NRXN1: variants seen among roughly 807,000 people sequenced by gnomAD.
NRXN1 encodes neurexin-1.
Under a neutral mutation model 150.9 loss-of-function variants are expected in NRXN1, and 39 were observed. That is an observed-to-expected ratio of 0.26 (90% CI 0.20 to 0.34). The LOEUF (loss-of-function observed/expected upper bound fraction) is 0.34, where lower values mean the gene tolerates loss of function less well. NRXN1 is among the 10% of genes least tolerant of loss of function. The probability of loss-of-function intolerance (pLI) is 1.00; values close to 1 mark genes in which losing one functional copy is unlikely to be tolerated. For synonymous variants in NRXN1, 924 were observed against 757.0 expected (o/e 1.22, Z -3.62); for missense variants, 1,815 against 1,949.9 (o/e 0.93, Z 1.30).
At chr2:50,585,015 CATAAAA>C (rs1442455793) in intron 8 of NRXN1, among the ~76,000 whole-genome samples, 3 of 151,908 alleles carry the variant, frequency 2.0e-5, no homozygotes, top group Admixed American at 6.6e-5. Context: ...AGTTTTTTTT[CATAAAA>C]ATAAAAGTTT....
intron 5 of NRXN1, among the ~76,000 whole-genome samples, chr2:50,737,393 T>C (rs1244201830): frequency 6.6e-6 from 1 of 152,156 alleles, no homozygotes; most frequent in Non-Finnish European, 1.5e-5. Context: ...ATACACATTG[T>C]TTTATTACTC....
intron 17 of NRXN1, among the ~76,000 whole-genome samples, chr2:50,451,512 A>C (rs1573023892): frequency 6.6e-6 from 1 of 152,296 alleles, no homozygotes; most frequent in South Asian, 2.1e-4. Flanking sequence ...CCTGCAGATG[A>C]GCAATTTAGA....
chr2:50,923,345 A>G, intron 3 of NRXN1: 1 of 254,452 alleles, frequency 3.9e-6, no homozygotes, highest in Admixed American at 4.1e-5. Context: ...CACTAAAGCA[A>G]TTTTCCTCAG....
At chr2:50,598,154 AT>A in intron 8 of NRXN1, among the ~76,000 whole-genome samples, 1 of 151,946 alleles carries the variant, frequency 6.6e-6, no homozygotes, top group Non-Finnish European at 1.5e-5. Flanking sequence ...AAAAAAAAAA[AT>A]CCCAAAAGCC....
chr2:50,072,534 A>AG (rs1403769580), intron 19 of NRXN1, among the ~76,000 whole-genome samples: 2 of 151,756 alleles, frequency 1.3e-5, no homozygotes, highest in African/African-American at 4.8e-5. Context: ...GAAATTTAAA[A>AG]AAAAAAAAAG....
Position 50,506,786 on chromosome 2 carries a change from C to T in NRXN1, c.2375-169G>A, listed in dbSNP as rs915122113. 80 of 650,462 alleles carry T rather than the reference C, an allele frequency of 1.2e-4. 1 individual carries two copies. The highest frequency in any genetic ancestry group is 3.3e-4 in the South Asian group (14 of 42,194). The allele number at this position is 650,462 out of a possible 1,614,324, so 40.3% of individuals were successfully genotyped here. On this transcript the variant is annotated intron_variant, in intron 12 of 22. Coordinates refer to ENST00000401669, the MANE Select transcript of NRXN1 (RefSeq NM_001330078.2). ...GGAGAGAAAGGAAACAGAGAAGAGGCGGGCTGGACCAATTTTCAAGCCCAT... is the reference window on the plus strand; with the variant it reads ...GGAGAGAAAGGAAACAGAGAAGAGGTGGGCTGGACCAATTTTCAAGCCCAT...
intron 2 of NRXN1, among the ~76,000 whole-genome samples, chr2:50,984,904 T>C (rs1057409212): frequency 3.3e-5 from 5 of 152,122 alleles, no homozygotes; most frequent in African/African-American, 7.2e-5. Context: ...AAATACTTTA[T>C]AGATCTAGAA....
At chr2:50,962,928 A>T (rs1206309698) in intron 2 of NRXN1, among the ~76,000 whole-genome samples, 1 of 151,614 alleles carries the variant, frequency 6.6e-6, no homozygotes, top group African/African-American at 2.4e-5. Context: ...TACAGCCAAG[A>T]TCATCAGAAT....
At chr2:50,539,813 C>T (rs912367253) in intron 9 of NRXN1, among the ~76,000 whole-genome samples, 2 of 152,128 alleles carry the variant, frequency 1.3e-5, no homozygotes, top group African/African-American at 4.8e-5. Context: ...AGGGAAGAGA[C>T]ACAAGAGAGA....
intron 5 of NRXN1, among the ~76,000 whole-genome samples, chr2:50,901,159 A>T (rs992320210): frequency 1.1e-4 from 16 of 152,034 alleles, no homozygotes; most frequent in Admixed American, 5.2e-4. Context: ...TCATCTGTTC[A>T]TTTCCCTGTT....
chr2:50,387,592 G>A, intron 17 of NRXN1, among the ~76,000 whole-genome samples: 1 of 152,076 alleles, frequency 6.6e-6, no homozygotes, highest in East Asian at 1.9e-4. Flanking sequence ...TGCTAAGGTA[G>A]GAGAAGTGAA....
At chr2:50,354,554 C>CATACATATAT (rs1553484596) in intron 17 of NRXN1, among the ~76,000 whole-genome samples, 3 of 100,132 alleles carry the variant, frequency 3.0e-5, no homozygotes, top group African/African-American at 7.9e-5. Context: ...AGAGTGCATA[C>CATACATATAT]ATATATATAT....
chr2:50,025,526 T>A (rs1217623840), intron 21 of NRXN1, among the ~76,000 whole-genome samples: 1 of 152,136 alleles, frequency 6.6e-6, no homozygotes, highest in African/African-American at 2.4e-5. Context: ...TTCAGGAAAG[T>A]AGCTAAAGAA....
At chr2:50,270,482 A>G (rs897774136) in intron 17 of NRXN1, among the ~76,000 whole-genome samples, 16 of 152,110 alleles carry the variant, frequency 1.1e-4, no homozygotes, top group Non-Finnish European at 4.4e-5. Flanking sequence ...GGAGATCTTT[A>G]CTAATTAAAT....
intron 21 of NRXN1, among the ~76,000 whole-genome samples, chr2:49,985,056 C>A (rs933932042): frequency 6.6e-6 from 1 of 152,168 alleles, no homozygotes; most frequent in Non-Finnish European, 1.5e-5. Flanking sequence ...GGTTTTACAG[C>A]TTTGGCACTT....
At chr2:50,819,745 T>C (rs1315535688) in intron 5 of NRXN1, among the ~76,000 whole-genome samples, 1 of 152,068 alleles carries the variant, frequency 6.6e-6, no homozygotes, top group Non-Finnish European at 1.5e-5. Context: ...TTTAGAGCAG[T>C]GATTATTTCC....
intron 18 of NRXN1, among the ~76,000 whole-genome samples, chr2:50,224,738 G>C (rs541885736): frequency 7.4e-6 from 1 of 135,526 alleles, no homozygotes; most frequent in African/African-American, 2.8e-5. Flanking sequence ...AGAGAGAATG[G>C]TTAAATTGCC....
intron 18 of NRXN1, among the ~76,000 whole-genome samples, chr2:50,107,541 T>A (rs6708553): frequency 0.34 from 38,356 of 111,244 alleles, 5,663 homozygotes; most frequent in African/African-American, 0.45. Context: ...ATATATATAT[T>A]TTTTTTTTTT....
intron 17 of NRXN1, among the ~76,000 whole-genome samples, chr2:50,310,499 C>T (rs970778211): frequency 6.6e-5 from 10 of 152,160 alleles, no homozygotes; most frequent in African/African-American, 2.2e-4. Context: ...TATTTTGATT[C>T]CAAACTGCTC....
Sources: allele counts gnomAD v4.1 joint callset (sites outside exome capture counted in the v4.1 genomes callset), GRCh38; gene constraint gnomAD v4.1.1; transcripts MANE v1.5; gene names NCBI Gene and HGNC (gene_info 2026-07-23, HGNC 2026-07-21).